BCAS4: variants seen among roughly 807,000 people sequenced by gnomAD.
BCAS4 encodes breast carcinoma amplified sequence 4.
In BCAS4, 9 loss-of-function variants were observed where a neutral mutation model predicts 15.7. The observed-to-expected ratio is 0.57, with a 90% confidence interval of 0.34 to 1.00. The LOEUF (loss-of-function observed/expected upper bound fraction) is 1.00. BCAS4 is among the 50% of genes least tolerant of loss of function. BCAS4 has a pLI of 0.02. For synonymous variants in BCAS4, 101 were observed against 99.5 expected, an observed-to-expected ratio of 1.02 and a Z score of -0.09; for missense variants, 225 against 239.1, an observed-to-expected ratio of 0.94 and a Z score of 0.39.
chr20:50,831,222 A>G (rs3787210), intron 3 of BCAS4, among the ~76,000 whole-genome samples: 5,836 of 152,144 alleles, frequency 0.038, 123 homozygotes, highest in Non-Finnish European at 0.044. Flanking sequence ...GGAGGCCAAG[A>G]GTTCGAAACC....
intron 3 of BCAS4, among the ~76,000 whole-genome samples, chr20:50,839,220 C>G (rs1008123965): frequency 6.6e-6 from 1 of 152,230 alleles, no homozygotes; most frequent in African/African-American, 2.4e-5. Flanking sequence ...TAGTCCCCAC[C>G]TCTGCTGCCT....
intron 4 of BCAS4, among the ~76,000 whole-genome samples, chr20:50,865,178 C>G (rs573072064): frequency 1.1e-4 from 16 of 152,254 alleles, no homozygotes; most frequent in African/African-American, 3.9e-4. Context: ...GTGACAGGAG[C>G]AAAGCCCAGG....
At chr20:50,842,361 T>C (rs8124622) in intron 4 of BCAS4, among the ~76,000 whole-genome samples, 28,470 of 152,132 alleles carry the variant, frequency 0.19, 3,118 homozygotes, top group African/African-American at 0.32. Context: ...TCCTCATCTC[T>C]CCTCTGTCTT....
At chr20:50,865,820 A>G (rs983205279) in intron 4 of BCAS4, among the ~76,000 whole-genome samples, 8 of 152,048 alleles carry the variant, frequency 5.3e-5, no homozygotes, top group African/African-American at 1.9e-4. Flanking sequence ...GCCCAACCCC[A>G]AGGGCAGGAC....
Position 50,818,298 on chromosome 20 carries a change from G to C in BCAS4, c.162+16G>C. 1 of 1,610,756 alleles carries C rather than the reference G, an allele frequency of 6.2e-7. No homozygotes were observed. Among genetic ancestry groups the C allele is most frequent in the South Asian group, 1.1e-5 (1 of 90,400 alleles). On this transcript the variant is annotated intron_variant, in intron 2 of 4. Coordinates refer to ENST00000371608, the MANE Select transcript of BCAS4 (RefSeq NM_198799.4). Reference sequence around the variant, plus strand: ...GGCTGACCTGGTGAGTGGCTGCCTGGAAGGCGTGGGTTTAGGCCCAGGCCA... The same window carrying C: ...GGCTGACCTGGTGAGTGGCTGCCTGCAAGGCGTGGGTTTAGGCCCAGGCCA...
At chr20:50,813,963 G>T (rs1462764582) in intron 1 of BCAS4, among the ~76,000 whole-genome samples, 1 of 152,106 alleles carries the variant, frequency 6.6e-6, no homozygotes, top group Non-Finnish European at 1.5e-5. Context: ...GAACAGCGAG[G>T]GCATTCATCT....
chr20:50,873,279 A>G (rs1485166659), intron 4 of BCAS4, among the ~76,000 whole-genome samples: 1 of 152,150 alleles, frequency 6.6e-6, no homozygotes, highest in African/African-American at 2.4e-5. Flanking sequence ...GCACAGAACC[A>G]TTTCAAAAAG....
intron 4 of BCAS4, among the ~76,000 whole-genome samples, chr20:50,858,694 A>G (rs975195599): frequency 1.3e-5 from 2 of 151,092 alleles, no homozygotes; most frequent in African/African-American, 4.9e-5. Flanking sequence ...TGTTCAGTAC[A>G]GATACAACCA....
intron 1 of BCAS4, among the ~76,000 whole-genome samples, chr20:50,811,682 G>A (rs1217046114): frequency 6.6e-6 from 1 of 152,194 alleles, no homozygotes; most frequent in East Asian, 1.9e-4. Context: ...GAGTGCAGTG[G>A]CACGATCTTG....
chr20:50,809,317 C>A (rs1025476090), intron 1 of BCAS4, among the ~76,000 whole-genome samples: 1 of 152,096 alleles, frequency 6.6e-6, no homozygotes, highest in Non-Finnish European at 1.5e-5. Flanking sequence ...TCAAGCAATT[C>A]TCCTGCCTCA....
chr20:50,852,458 T>G (rs1046721704), intron 4 of BCAS4, among the ~76,000 whole-genome samples: 2 of 152,154 alleles, frequency 1.3e-5, no homozygotes, highest in African/African-American at 4.8e-5. Context: ...CTTAGCTCGC[T>G]GCAACCTCTT....
intron 1 of BCAS4, among the ~76,000 whole-genome samples, chr20:50,817,207 G>A (rs1173817317): frequency 6.6e-6 from 1 of 151,860 alleles, no homozygotes; most frequent in African/African-American, 2.4e-5. Context: ...CAAAATGTTG[G>A]GATTACAGGC....
chr20:50,865,868 G>T (rs1374635494), intron 4 of BCAS4, among the ~76,000 whole-genome samples: 1 of 152,164 alleles, frequency 6.6e-6, no homozygotes, highest in Non-Finnish European at 1.5e-5. Context: ...AATGGGAGGG[G>T]TTCTGCTCAC....
rs1270664762 is a variant in BCAS4 at position 50,851,840 on chromosome 20, T to A, written c.399+9940T>A. Among the ~76,000 whole-genome samples the A allele has an allele frequency of 6.6e-6, 1 of 152,210 alleles. No individual in the cohort carries two copies. Among genetic ancestry groups the A allele is most frequent in the African/African-American group, 2.4e-5 (1 of 41,454 alleles). On this transcript the variant is annotated intron_variant, in intron 4 of 4. Transcript: ENST00000371608. This position sits in a 1 kb window ranked among gnomAD's most constrained non-coding sequence, Gnocchi z 4.3. ...TCCCACCCCTGGGAAGCCGCCTGGG[T>A]TCCCCCAGCCAGCCTTCCTCTGGGG... is the stretch of plus-strand genomic sequence containing the variant.
chr20:50,874,392 GGT>G (rs1979816254), intron 4 of BCAS4, among the ~76,000 whole-genome samples: 2 of 152,176 alleles, frequency 1.3e-5, no homozygotes, highest in Non-Finnish European at 2.9e-5. Flanking sequence ...AGGCTGTGAA[GGT>G]CCTACACGGC....
At chr20:50,865,782 GC>G (rs1979327416) in intron 4 of BCAS4, among the ~76,000 whole-genome samples, 1 of 152,198 alleles carries the variant, frequency 6.6e-6, no homozygotes. Flanking sequence ...AGGGGCCGGT[GC>G]CCACACAAGC....
intron 4 of BCAS4, among the ~76,000 whole-genome samples, chr20:50,847,033 A>T (rs916598359): frequency 2.0e-5 from 3 of 152,156 alleles, no homozygotes; most frequent in African/African-American, 7.2e-5. Context: ...TTTGGATTTG[A>T]TGGAAAATGA....
intron 1 of BCAS4, among the ~76,000 whole-genome samples, chr20:50,807,874 GTA>G (rs2088011158): frequency 6.7e-6 from 1 of 149,088 alleles, no homozygotes; most frequent in Admixed American, 6.7e-5. Context: ...GTATTCCATG[GTA>G]TCTATATGTA....
rs974969428 is a variant in BCAS4 at position 50,876,492 on chromosome 20, C to A, written c.406C>A (p.Pro136Thr). 1 of 1,613,558 alleles carries A rather than the reference C, an allele frequency of 6.2e-7. No individual in the cohort carries two copies. The highest frequency in any genetic ancestry group is 2.2e-5 in the East Asian group (1 of 44,858). ...AGLPSFRNKS[P>T]APVPVTYELP... ...TCATTTCTTGTCATTCCAGAAGTCA[C>A]CTGCACCGGTGCCCGTGACGTACGA... Residue 136 changes from proline (P) to threonine (T), a missense_variant, in exon 5 of 5, where the codon CCT (proline) becomes ACT (threonine). Coordinates refer to ENST00000371608, the MANE Select transcript of BCAS4 (RefSeq NM_198799.4).
Sources: gnomAD v4.1 joint callset for allele counts (sites outside exome capture counted in the v4.1 genomes callset) on GRCh38, gnomAD v4.1.1 for gene constraint, Gnocchi (gnomAD v3.1) non-coding constraint, MANE v1.5 for transcripts, NCBI Gene and HGNC (gene_info 2026-07-23, HGNC 2026-07-21) for gene names.